PLXNA4: variants seen among roughly 807,000 people sequenced by gnomAD.
PLXNA4 encodes plexin A4.
Under a neutral mutation model 191.8 loss-of-function variants are expected in PLXNA4, and 44 were observed. That is an observed-to-expected ratio of 0.23 (90% CI 0.18 to 0.29). PLXNA4 has a LOEUF of 0.29. Ranked by LOEUF, PLXNA4 falls within the 10% of genes least tolerant of loss-of-function variation. PLXNA4 has a pLI of 1.00. For missense variants in PLXNA4, 1,800 were observed against 2,488.8 expected, an observed-to-expected ratio of 0.72 and a Z score of 5.89; for synonymous variants, 1,082 against 1,009.5, an observed-to-expected ratio of 1.07 and a Z score of -1.36.
chr7:132,415,536 T>C (rs531806984), intron 3 of PLXNA4, among the ~76,000 whole-genome samples: 7 of 152,178 alleles, frequency 4.6e-5, no homozygotes, highest in Middle Eastern at 3.4e-3. Context: ...GACGGTATTG[T>C]CTCCATATGC....
intron 3 of PLXNA4, chr7:132,385,203 G>T (rs772541018): frequency 2.5e-6 from 4 of 1,613,948 alleles, no homozygotes; most frequent in African/African-American, 1.3e-5. Flanking sequence ...TTGATGAACA[G>T]CTGGAGAACA....
chr7:132,585,718 T>C (rs947994585), intron 2 of PLXNA4, among the ~76,000 whole-genome samples: 2 of 152,212 alleles, frequency 1.3e-5, no homozygotes, highest in African/African-American at 4.8e-5. Context: ...GCTCCTTTCC[T>C]GTTTATGTCC....
chr7:132,256,009 G>C (rs1799419380), intron 4 of PLXNA4, among the ~76,000 whole-genome samples: 1 of 152,198 alleles, frequency 6.6e-6, no homozygotes, highest in Non-Finnish European at 1.5e-5. Flanking sequence ...ATAACCAAAA[G>C]CGTGCCCTGG....
Position 132,489,487 on chromosome 7 carries a change from A to T in PLXNA4, c.1189-13T>A, listed in dbSNP as rs187357039. The T allele has an allele frequency of 2.1e-3, 3,265 of 1,534,838 alleles. 6 individuals carry two copies. Among genetic ancestry groups the T allele is most frequent in the Non-Finnish European group, 2.6e-3 (2,902 of 1,124,270 alleles). ...CAATGGTTAAGAGCTGCAAATTTTA[A>T]AAAGAGAAAAATTAGAAGGGAGCGT... On this transcript the variant is annotated splice_polypyrimidine_tract_variant and intron_variant, in intron 2 of 31. Coordinates refer to ENST00000321063, the MANE Select transcript of PLXNA4 (RefSeq NM_020911.2).
chr7:132,636,481 C>G (rs1239425605), intron 2 of PLXNA4, among the ~76,000 whole-genome samples: 7 of 152,146 alleles, frequency 4.6e-5, no homozygotes, highest in African/African-American at 1.4e-4. Flanking sequence ...GAAGAGCCCC[C>G]CCAGGAGTGA....
chr7:132,266,197 T>A (rs1799852436), intron 4 of PLXNA4: 2 of 151,370 alleles, frequency 1.3e-5, no homozygotes, highest in Non-Finnish European at 1.5e-5. Flanking sequence ...GGGGGGAGGG[T>A]AAGGAGCTGA....
At chr7:132,558,215 T>C (rs1296404909) in intron 1 of PLXNA4, among the ~76,000 whole-genome samples, 3 of 152,228 alleles carry the variant, frequency 2.0e-5, no homozygotes, top group Non-Finnish European at 2.9e-5. Context: ...TAAATGCTGT[T>C]CCATGCCTAC....
intron 3 of PLXNA4, among the ~76,000 whole-genome samples, chr7:132,483,695 A>G (rs897540260): frequency 2.6e-5 from 4 of 152,216 alleles, no homozygotes; most frequent in Non-Finnish European, 5.9e-5. Context: ...ATATATACAC[A>G]CATATGATTC....
At chr7:132,514,267 G>T (rs1004586850) in intron 1 of PLXNA4, among the ~76,000 whole-genome samples, 1 of 150,126 alleles carries the variant, frequency 6.7e-6, no homozygotes, top group Non-Finnish European at 1.5e-5. Context: ...TAGCCAGGAT[G>T]GTCTCGATCT....
chr7:132,594,930 GATAGA>G (rs879543280), intron 2 of PLXNA4, among the ~76,000 whole-genome samples: 4,238 of 142,138 alleles, frequency 0.03, 397 homozygotes, highest in East Asian at 0.25. Flanking sequence ...TAGATAGATA[GATAGA>G]TAGATAGATA....
intron 1 of PLXNA4, among the ~76,000 whole-genome samples, chr7:132,559,421 T>C (rs1191351167): frequency 6.6e-6 from 1 of 152,194 alleles, no homozygotes; most frequent in South Asian, 2.1e-4. Flanking sequence ...TTTCACTTGA[T>C]GTTGTACTGC....
chr7:132,482,012 C>T (rs899269558), intron 3 of PLXNA4, among the ~76,000 whole-genome samples: 3 of 152,194 alleles, frequency 2.0e-5, no homozygotes, highest in Non-Finnish European at 4.4e-5. Flanking sequence ...CTGAGGAAGG[C>T]CGTGTCCTTT....
intron 12 of PLXNA4, among the ~76,000 whole-genome samples, chr7:132,200,977 GT>G (rs1196229869): frequency 6.6e-6 from 1 of 152,250 alleles, no homozygotes; most frequent in East Asian, 1.9e-4. Flanking sequence ...ACAGGGTGAA[GT>G]TCTAACCCCA....
At chr7:132,318,456 GCTTC>G (rs1328432473) in intron 3 of PLXNA4, among the ~76,000 whole-genome samples, 5 of 152,116 alleles carry the variant, frequency 3.3e-5, no homozygotes, top group African/African-American at 1.2e-4. Context: ...CAGCCTCCTG[GCTTC>G]CTCCCTCCCT....
chr7:132,301,233 A>G (rs1309595100), intron 3 of PLXNA4, among the ~76,000 whole-genome samples: 2 of 152,180 alleles, frequency 1.3e-5, no homozygotes, highest in Non-Finnish European at 2.9e-5. Flanking sequence ...AAATTCACAC[A>G]AGACATGGAT....
At chr7:132,598,460 C>A (rs2116836838) in intron 2 of PLXNA4, among the ~76,000 whole-genome samples, 1 of 152,316 alleles carries the variant, frequency 6.6e-6, no homozygotes, top group Middle Eastern at 3.4e-3. Context: ...GCAGCCTCAA[C>A]AAACATTATT....
intron 3 of PLXNA4, among the ~76,000 whole-genome samples, chr7:132,369,941 G>A (rs988525880): frequency 7.9e-5 from 12 of 151,934 alleles, no homozygotes; most frequent in Admixed American, 3.3e-4. Context: ...GGTGCCAGGT[G>A]CCTGCAGTCC....
At chr7:132,232,910 G>A (rs568936395) in intron 5 of PLXNA4, among the ~76,000 whole-genome samples, 11 of 152,312 alleles carry the variant, frequency 7.2e-5, no homozygotes, top group Middle Eastern at 6.8e-3. Context: ...TGAGTGAACC[G>A]CCAAGCTTGG....
chr7:132,535,353 C>T lies in PLXNA4; in HGVS notation c.-86-26574G>A, dbSNP rs377621758. On this transcript the variant is annotated intron_variant, in intron 1 of 31. Transcript: ENST00000321063. Reference sequence around the variant, plus strand: ...CTTTGTTGAGGGTTCTCCTGGCTTGCAGAGGCAGAGGAGGGGCTGTGGTCT... The same window carrying T: ...CTTTGTTGAGGGTTCTCCTGGCTTGTAGAGGCAGAGGAGGGGCTGTGGTCT... Among the ~76,000 whole-genome samples, 3 of 152,198 alleles carry T rather than the reference C, an allele frequency of 2.0e-5. No individual in the cohort carries two copies. In the South Asian group the frequency reaches 6.2e-4, roughly 32 times the overall value.
Sources: allele counts gnomAD v4.1 joint callset (sites outside exome capture counted in the v4.1 genomes callset), GRCh38; gene constraint gnomAD v4.1.1; transcripts MANE v1.5; gene names NCBI Gene and HGNC (gene_info 2026-07-23, HGNC 2026-07-21).